The following PKN3 variants were observed in gnomAD, a reference collection of about 807,000 sequenced individuals.
PKN3 encodes the protein protein kinase N3.
A neutral mutation model predicts 113.1 loss-of-function variants in PKN3; 91 were observed. The ratio of observed to expected loss-of-function variants is 0.80; its 90% confidence interval spans 0.68 to 0.96. PKN3 has a LOEUF of 0.96. Among genes scored for constraint, PKN3 ranks in the 40% least tolerant of loss-of-function variants. The pLI is 0.00. For missense variants in PKN3, 1,052 were observed against 1,202.2 expected (o/e 0.88, Z 1.85); for synonymous variants, 467 against 499.0 (o/e 0.94, Z 0.85).
rs913592089 is a variant in PKN3 at position 128,703,638 on chromosome 9, G to GT, written c.24+700dup. ...GGGAGGGGGGCATTTGCGGACAGGA[G>GT]TGGGTCCCCGCAAAGAGCGGAAAGG... On this transcript the variant is annotated intron_variant, in intron 1 of 21. Coordinates refer to ENST00000291906, the MANE Select transcript of PKN3 (RefSeq NM_013355.5). The GT allele has an allele frequency of 5.5e-5, 54 of 985,440 alleles. No individual in the cohort carries two copies. The African/African-American group carries it at 8.5e-4, about 16-fold the overall frequency. The allele number at this position is 985,440 out of a possible 1,614,324, so 61.0% of individuals were successfully genotyped here.
chr9:128,703,783 C>T, intron 1 of PKN3: 1 of 985,422 alleles, frequency 1.0e-6, no homozygotes, highest in Non-Finnish European at 1.2e-6. Context: ...GCCTTCAGGG[C>T]TGGGGCTCGG....
intron 6 of PKN3, 49 bp from the exon 7 acceptor site, chr9:128,713,003 C>A: frequency 6.5e-7 from 1 of 1,545,548 alleles, no homozygotes; most frequent in South Asian, 1.2e-5. Context: ...TTGGTGGTAG[C>A]AGTGGGAAGA....
At chr9:128,713,731 G>A (rs1862252519) in intron 9 of PKN3, 89 bp downstream of exon 9, 3 of 1,340,790 alleles carry the variant, frequency 2.2e-6, no homozygotes, top group Admixed American at 1.9e-5. Context: ...GCGTGTAGGT[G>A]CAGAGACTGA....
intron 18 of PKN3, 57 bp downstream of exon 18, chr9:128,718,682 T>C (rs1862418852): frequency 2.7e-6 from 4 of 1,477,648 alleles, no homozygotes; most frequent in Non-Finnish European, 3.8e-6. Flanking sequence ...CCCTGGCCAA[T>C]AGGATGATGG....
intron 12 of PKN3, 52 bp downstream of exon 12, chr9:128,714,716 G>A (rs748007285): frequency 6.9e-7 from 1 of 1,449,686 alleles, no homozygotes; most frequent in South Asian, 1.1e-5. Context: ...GGCTGGCAGG[G>A]CCACCCAGCT....
chr9:128,718,292 T>C, intron 16 of PKN3, 33 bp from the exon 17 acceptor site: 1 of 1,597,122 alleles, frequency 6.3e-7, no homozygotes. Context: ...GTGTGTGTCT[T>C]GGGCCTGAGT....
rs528199804 is a variant in PKN3, at chr9:128,720,189, G to T, written c.2377-14G>T. 1 of 1,612,166 alleles carries T rather than the reference G, an allele frequency of 6.2e-7. No individual in the cohort carries two copies. The highest frequency in any genetic ancestry group is 8.5e-7 in the Non-Finnish European group (1 of 1,179,126). ...GGCTGAATGCCCTAAGTGAGCGCCT[G>T]TCCTATTGCCCAGCTCCTCCAGAAG... On this transcript the variant is annotated splice_polypyrimidine_tract_variant and intron_variant, in intron 20 of 21. Transcript: ENST00000291906. The surrounding 1 kb of genome is among the most constrained non-coding windows in gnomAD (Gnocchi z 5.5).
intron 1 of PKN3, chr9:128,703,821 G>A (rs757525723): frequency 1.0e-6 from 1 of 985,444 alleles, no homozygotes. Flanking sequence ...CCTTCCTCTG[G>A]AGGTCCCTCC....
intron 6 of PKN3, among the ~76,000 whole-genome samples, chr9:128,710,698 G>A (rs1034384076): frequency 6.6e-6 from 1 of 151,994 alleles, no homozygotes; most frequent in Non-Finnish European, 1.5e-5. Context: ...TGCCATGTTG[G>A]CCAGGCTGGT....
rs776013610 is a variant in PKN3, at chr9:128,705,800, G to C, written c.332G>C (p.Arg111Pro). ...QLRARHLEALRRQLHVELKVK... is the reference protein window; with the variant it reads ...QLRARHLEALPRQLHVELKVK... ...AGGGCTCGGCACCTAGAGGCTCTCC[G>C]GAGGCAGCTGCATGTGGAGCTGAAG... Residue 111 changes from arginine to proline, a missense_variant, in exon 3 of 22, where the codon CGG becomes CCG. Arg to Pro is a moderately radical substitution (Grantham distance 103). Around this residue, in one of 2 missense-constraint regions of PKN3, gnomAD observed 719 missense variants for 759.4 expected, o/e 0.95. Transcript: ENST00000291906. The C allele has an allele frequency of 6.2e-7, 1 of 1,608,214 alleles. No homozygotes were observed. The highest frequency in any genetic ancestry group is 8.5e-7 in the Non-Finnish European group (1 of 1,177,554).
At position 128,720,370 on chromosome 9, in the gene PKN3, C is replaced by T; in HGVS notation, c.2458-24C>T. 1.2e-6 allele frequency: 2 copies of T among 1,612,644 alleles called. No individual in the cohort carries two copies. The highest frequency in any genetic ancestry group is 1.7e-6 in the Non-Finnish European group (2 of 1,179,666). On this transcript the variant is annotated intron_variant, in intron 21 of 21. Transcript: ENST00000291906. This position sits in a 1 kb window ranked among gnomAD's most constrained non-coding sequence, Gnocchi z 5.5. ...CCTGGAGCTGCTGTTCCTGCCGTCT[C>T]AGGCGCCTCTCCTTTGCCCTCAGAC...
chr9:128,706,015 G>C, intron 3 of PKN3, 136 bp downstream of exon 3: 1 of 901,892 alleles, frequency 1.1e-6, no homozygotes, highest in Non-Finnish European at 1.7e-6. Context: ...CCAAACCCCA[G>C]CTGGGTGAGG....
Position 128,719,991 on chromosome 9 carries a change from G to A in PKN3, c.2350G>A (p.Val784Met), listed in dbSNP as rs760738676. Residue 784 changes from valine to methionine, a missense_variant, in exon 20 of 22, where the codon GTG (valine) becomes ATG (methionine). Transcript: ENST00000291906. ...MDAPYPGFLS[V>M]QGLEFIQKLL... ...CGCCCCCTACCCCGGCTTTCTGTCGGTGCAAGGGCTTGAGTTCATTCAGAA... is the reference window on the plus strand; with the variant it reads ...CGCCCCCTACCCCGGCTTTCTGTCGATGCAAGGGCTTGAGTTCATTCAGAA... 1.6e-5 allele frequency: 26 copies of A among 1,613,928 alleles called. No individual in the cohort carries two copies. The highest frequency in any genetic ancestry group is 5.0e-5 in the Admixed American group (3 of 60,000).
rs779847440 is a variant in PKN3, at chr9:128,702,851, G to A, written c.-65G>A. 2.5e-4 allele frequency: 303 copies of A among 1,201,230 alleles called. 1 individual carries two copies. Among genetic ancestry groups the A allele is most frequent in the Non-Finnish European group, 2.7e-4 (235 of 856,496 alleles). The allele number at this position is 1,201,230 out of a possible 1,614,324, so 74.4% of individuals were successfully genotyped here. Reference sequence around the variant, plus strand: ...AGTTTCAAGTTTGAAAGTCCTGGCGGAGGGTCTGCGGCTTCCGGGACCGGA... The same window carrying A: ...AGTTTCAAGTTTGAAAGTCCTGGCGAAGGGTCTGCGGCTTCCGGGACCGGA... On this transcript the variant is annotated 5_prime_UTR_variant, in exon 1 of 22. Coordinates refer to ENST00000291906, the MANE Select transcript of PKN3 (RefSeq NM_013355.5).
At chr9:128,711,258 G>C (rs113078348) in intron 6 of PKN3, among the ~76,000 whole-genome samples, 45 of 151,598 alleles carry the variant, frequency 3.0e-4, no homozygotes, top group African/African-American at 1.1e-3. Context: ...TGCCCGCCTT[G>C]GCCTCCCAAA....
intron 6 of PKN3, among the ~76,000 whole-genome samples, chr9:128,708,751 G>A (rs1862093818): frequency 6.6e-6 from 1 of 151,728 alleles, no homozygotes; most frequent in Non-Finnish European, 1.5e-5. Flanking sequence ...GCTGAGGCAA[G>A]AGAATTGCTT....
chr9:128,714,172 G>T, intron 10 of PKN3, 25 bp from the exon 11 acceptor site: 1 of 1,614,036 alleles, frequency 6.2e-7, no homozygotes. Flanking sequence ...GGGGTCCCGG[G>T]ACTAAGCTCC....
intron 4 of PKN3, 28 bp downstream of exon 4, chr9:128,706,852 G>A (rs750171553): frequency 4.3e-6 from 7 of 1,613,210 alleles, no homozygotes; most frequent in Non-Finnish European, 5.1e-6. Flanking sequence ...AGGGAGGGCG[G>A]AGCAGGGAAG....
chr9:128,702,616 G>A lies in PKN3; in HGVS notation c.-300G>A, dbSNP rs1861887016. The A allele has an allele frequency of 2.6e-6, 1 of 380,860 alleles. No individual in the cohort carries two copies. Among genetic ancestry groups the A allele is most frequent in the Non-Finnish European group, 4.7e-6 (1 of 214,710 alleles). 23.6% of individuals were successfully genotyped at this position (380,860 alleles called of 1,614,324 possible). A position where few individuals can be genotyped will look rare whatever the true frequency, so the allele number is the denominator to read the frequency against. ...CAAACCGGGGGTGAGGCGCGGTCAC[G>A]CCCAGCGGGAACCGCAGGCGCCGAA... On this transcript the variant is annotated 5_prime_UTR_variant, in exon 1 of 22. Transcript: ENST00000291906.
Sources: allele counts gnomAD v4.1 joint callset (sites outside exome capture counted in the v4.1 genomes callset), GRCh38; gene constraint gnomAD v4.1.1; regional missense constraint gnomAD v4.1.1; non-coding constraint Gnocchi (gnomAD v3.1); transcripts MANE v1.5; gene names NCBI Gene and HGNC (gene_info 2026-07-23, HGNC 2026-07-21).